The following BBX variants were observed in gnomAD, a reference collection of about 807,000 sequenced individuals.
The protein encoded by BBX is BBX high mobility group box domain containing.
Under a neutral mutation model 100.2 loss-of-function variants are expected in BBX, and 30 were observed. That is an observed-to-expected ratio of 0.30 (90% CI 0.22 to 0.41). The LOEUF (loss-of-function observed/expected upper bound fraction) is 0.41, where lower values mean the gene tolerates loss of function less well. Ranked by LOEUF, BBX falls within the 10% of genes least tolerant of loss-of-function variation. The pLI is 1.00. For missense variants in BBX, 1,023 were observed against 1,129.8 expected (o/e 0.91, Z 1.35); for synonymous variants, 376 against 388.1 (o/e 0.97, Z 0.37).
chr3:107,632,916 G>T (rs2056634142), intron 2 of BBX, among the ~76,000 whole-genome samples: 1 of 152,094 alleles, frequency 6.6e-6, no homozygotes, highest in Admixed American at 6.6e-5. Context: ...ACAATTAGTA[G>T]TCTGTTCTTT....
chr3:107,777,495 A>G (rs574793694), intron 12 of BBX, among the ~76,000 whole-genome samples: 1 of 152,158 alleles, frequency 6.6e-6, no homozygotes, highest in Admixed American at 6.5e-5. Context: ...TTTTCCATCT[A>G]CCAGGCACAG....
intron 13 of BBX, among the ~76,000 whole-genome samples, chr3:107,779,141 A>T (rs1321395817): frequency 6.6e-6 from 1 of 151,444 alleles, no homozygotes; most frequent in East Asian, 1.9e-4. Flanking sequence ...TTTTAAAGTT[A>T]TCAGCATGAC....
intron 2 of BBX, among the ~76,000 whole-genome samples, chr3:107,645,264 T>G (rs190737047): frequency 6.6e-4 from 101 of 152,346 alleles, no homozygotes; most frequent in Non-Finnish European, 1.1e-3. Context: ...TCACTGATTT[T>G]GATCTTATAA....
chr3:107,614,749 T>C (rs1304337409), intron 2 of BBX, among the ~76,000 whole-genome samples: 1 of 152,212 alleles, frequency 6.6e-6, no homozygotes, highest in African/African-American at 2.4e-5. Context: ...ATATTCAGGC[T>C]ATGGTTGGTT....
In BBX at chr3:107,772,770, T is replaced by C; in HGVS notation, c.1049T>C (p.Leu350Ser). The C allele has an allele frequency of 6.2e-7, 1 of 1,613,182 alleles. No individual in the cohort carries two copies. Among genetic ancestry groups the C allele is most frequent in the Non-Finnish European group, 8.5e-7 (1 of 1,179,802 alleles). The change falls in exon 11 of 18, where the codon TTA (leucine) becomes TCA (serine). Residue 350 changes from leucine (L) to serine (S), a missense_variant. Around this residue, in one of 9 missense-constraint regions of BBX, gnomAD observed 348 missense variants for 353.2 expected, o/e 0.99. Transcript: ENST00000325805. ...IKMEKTDETR[L>S]QKEAEFEKSA... ...ATGGAGAAAACAGATGAAACTAGGT[T>C]ACAGAAGGAAGCAGAATTTGAAAAA...
chr3:107,565,443 T>TTTTATTTATTTATTTATTTA (rs80145598), intron 2 of BBX, among the ~76,000 whole-genome samples: 4 of 136,966 alleles, frequency 2.9e-5, no homozygotes, highest in Non-Finnish European at 4.7e-5. Context: ...AATAGTTTTA[T>TTTTATTTATTTATTTATTTA]TTTATTTATT....
rs550992182 is a variant in BBX, at chr3:107,783,885, G to A, written c.2203+5366G>A. ...ATTTCTAGTTTCATTTCAAACCACC[G>A]CTAGTCAATTTAGAAGCATTTGCTA... is the stretch of plus-strand genomic sequence containing the variant. On this transcript the variant is annotated intron_variant, in intron 13 of 17. Coordinates refer to ENST00000325805, the MANE Select transcript of BBX (RefSeq NM_001142568.3). 1.4e-4 allele frequency among the ~76,000 whole-genome samples: 22 copies of A among 152,054 alleles called. No homozygotes were observed. The East Asian group carries it at 3.9e-3, about 27-fold the overall frequency.
intron 3 of BBX, among the ~76,000 whole-genome samples, chr3:107,677,897 T>G (rs1364263861): frequency 6.6e-6 from 1 of 152,164 alleles, no homozygotes; most frequent in Non-Finnish European, 1.5e-5. Context: ...CCCCAACGTC[T>G]TCTTTTTTGA....
chr3:107,613,952 T>TG (rs1267654724), intron 2 of BBX, among the ~76,000 whole-genome samples: 3 of 118,114 alleles, frequency 2.5e-5, no homozygotes, highest in East Asian at 4.3e-4. Flanking sequence ...TTTTTTTTTT[T>TG]TTTTTTTTTT....
chr3:107,755,555 G>A, intron 9 of BBX, 43 bp from the exon 10 acceptor site: 1 of 1,537,434 alleles, frequency 6.5e-7, no homozygotes, highest in Non-Finnish European at 9.0e-7. Context: ...AAAGATTCTG[G>A]TATCACAACT....
chr3:107,768,257 A>G (rs1387448734), intron 10 of BBX, among the ~76,000 whole-genome samples: 2 of 152,314 alleles, frequency 1.3e-5, no homozygotes, highest in Admixed American at 6.5e-5. Context: ...TCTATTTGGT[A>G]TAGTTACGGT....
intron 3 of BBX, among the ~76,000 whole-genome samples, chr3:107,674,134 C>T (rs1190566689): frequency 6.6e-6 from 1 of 152,030 alleles, no homozygotes; most frequent in African/African-American, 2.4e-5. Flanking sequence ...ATCTGTAGTC[C>T]CTTAAAAATT....
chr3:107,742,314 C>CT lies in BBX; in HGVS notation c.670-2304dup, dbSNP rs1200031918. On this transcript the variant is annotated intron_variant, in intron 7 of 17. Coordinates refer to ENST00000325805, the MANE Select transcript of BBX (RefSeq NM_001142568.3). The stretch of plus-strand genomic sequence containing the variant: ...TCTTTCCTTCCCAACCCTCCTTTTT[C>CT]TTTTTTTTTTTTGTCGGCCCTCTTG... Among the ~76,000 whole-genome samples, 474 of 143,174 alleles carry CT rather than the reference C, an allele frequency of 3.3e-3. 8 individuals are homozygous for CT. The East Asian group carries it at 0.034, about 10-fold the overall frequency. 93.9% of individuals were successfully genotyped at this position (143,174 alleles called of 152,430 possible).
chr3:107,687,362 G>C (rs1021826456), intron 3 of BBX, among the ~76,000 whole-genome samples: 2 of 151,134 alleles, frequency 1.3e-5, no homozygotes, highest in African/African-American at 2.4e-5. Flanking sequence ...GAGTATAAAG[G>C]CTCTGTGAAG....
In BBX at chr3:107,772,913, G is replaced by A. The variant is rs747521082; in HGVS notation, c.1192G>A (p.Glu398Lys). The A allele has an allele frequency of 4.6e-5, 60 of 1,294,006 alleles. No homozygotes were observed. Among genetic ancestry groups the A allele is most frequent in the Non-Finnish European group, 6.5e-5 (59 of 905,774 alleles). 80.2% of individuals were successfully genotyped at this position (1,294,006 alleles called of 1,614,324 possible). A position where few individuals can be genotyped will look rare whatever the true frequency, so the allele number is the denominator to read the frequency against. ...CAAAGAAATTAGAAAGGAAGAGTTA[G>A]AAGAAGATCACAAATGTAGTCATTT... ...DPKEIRKEELEEDHKCSHFPD... is the reference protein window; with the variant it reads ...DPKEIRKEELKEDHKCSHFPD... Residue 398 changes from glutamate (E) to lysine (K), a missense_variant, in exon 11 of 18, where the codon GAA (glutamate) becomes AAA (lysine). This residue lies in a region of BBX where 348 missense variants were observed against 353.2 expected (regional missense o/e 0.99). Transcript: ENST00000325805.
chr3:107,543,889 AT>A (rs1420279203), intron 2 of BBX, among the ~76,000 whole-genome samples: 1 of 152,200 alleles, frequency 6.6e-6, no homozygotes, highest in African/African-American at 2.4e-5. Flanking sequence ...CATTTAACTG[AT>A]TTGTGTACTG....
At chr3:107,744,041 AT>A (rs1180975264) in intron 7 of BBX, among the ~76,000 whole-genome samples, 2 of 145,302 alleles carry the variant, frequency 1.4e-5, no homozygotes, top group Non-Finnish European at 3.0e-5. Context: ...GTGAAAGATT[AT>A]TTTTCCCCCT....
chr3:107,523,232 C>T (rs2047488532), intron 1 of BBX, 125 bp downstream of exon 1: 2 of 223,954 alleles, frequency 8.9e-6, no homozygotes, highest in South Asian at 5.1e-5. Flanking sequence ...GCGGCGGCGG[C>T]GGCGGCGGCG....
chr3:107,678,249 T>G (rs868749853), intron 3 of BBX, among the ~76,000 whole-genome samples: 1 of 152,018 alleles, frequency 6.6e-6, no homozygotes, highest in Non-Finnish European at 1.5e-5. Flanking sequence ...CCCCATTTTT[T>G]CTCTACCCAC....
Sources: gnomAD v4.1 joint callset for allele counts (sites outside exome capture counted in the v4.1 genomes callset) on GRCh38, gnomAD v4.1.1 for gene constraint, gnomAD v4.1.1 regional missense constraint, MANE v1.5 for transcripts, NCBI Gene and HGNC (gene_info 2026-07-23, HGNC 2026-07-21) for gene names.